The following DLC1 variants were observed in gnomAD, a reference collection of about 807,000 sequenced individuals.
The protein encoded by DLC1 is DLC1 Rho GTPase activating protein.
A neutral mutation model predicts 140.3 loss-of-function variants in DLC1; 54 were observed. That is an observed-to-expected ratio of 0.38 (90% CI 0.31 to 0.48). The LOEUF (loss-of-function observed/expected upper bound fraction) is 0.48, where lower values mean the gene tolerates loss of function less well. Among genes scored for constraint, DLC1 ranks in the 20% least tolerant of loss-of-function variants. The pLI is 0.96. For synonymous variants in DLC1, 986 were observed against 728.1 expected, an observed-to-expected ratio of 1.35 and a Z score of -5.70; for missense variants, 2,536 against 1,907.0, an observed-to-expected ratio of 1.33 and a Z score of -6.14.
At position 13,526,908 on chromosome 8, in the gene DLC1, A is replaced by G. The variant is rs10111327; in HGVS notation, c.-125-26712T>C. On this transcript the variant is annotated intron_variant, in intron 1 of 1. Transcript: ENST00000631382. ...GCACGTTGTGCACATGTACCTTAGAACTTAAAGTAAAATTTAAAAAAAAGT... is the reference window on the plus strand; with the variant it reads ...GCACGTTGTGCACATGTACCTTAGAGCTTAAAGTAAAATTTAAAAAAAAGT... Among the ~76,000 whole-genome samples, 646 of 152,298 alleles carry G rather than the reference A, an allele frequency of 4.2e-3. 4 individuals carry two copies. The highest frequency in any genetic ancestry group is 0.015 in the African/African-American group (608 of 41,568).
At chr8:13,349,916 A>G (rs1015665979) in intron 4 of DLC1, among the ~76,000 whole-genome samples, 3 of 152,224 alleles carry the variant, frequency 2.0e-5, no homozygotes, top group South Asian at 2.1e-4. Flanking sequence ...ATCCAGCTGC[A>G]TATGGACTCT....
At chr8:13,314,771 C>G (rs1832799716) in intron 4 of DLC1, among the ~76,000 whole-genome samples, 1 of 152,174 alleles carries the variant, frequency 6.6e-6, no homozygotes, top group South Asian at 2.1e-4. Flanking sequence ...ACATAAATCT[C>G]TTTATGACAA....
intron 3 of DLC1, among the ~76,000 whole-genome samples, chr8:13,395,105 A>G (rs151192740): frequency 2.4e-4 from 33 of 137,986 alleles, no homozygotes; most frequent in Admixed American, 8.0e-4. Flanking sequence ...CCATCTATGC[A>G]TCCATCTCTC....
At chr8:13,209,750 A>T (rs911843578) in intron 5 of DLC1, among the ~76,000 whole-genome samples, 1 of 152,034 alleles carries the variant, frequency 6.6e-6, no homozygotes, top group African/African-American at 2.4e-5. Context: ...TCTTGCTGCT[A>T]CTTCCACCAT....
chr8:13,090,238 G>A lies in DLC1; in HGVS notation c.4074+14C>T, dbSNP rs1200865445. Reference sequence around the variant, plus strand: ...TCCTGGACTCAACTAGCCGACAACAGGGTGAAGCCTTACCTTCTTATAGGA... The same window carrying A: ...TCCTGGACTCAACTAGCCGACAACAAGGTGAAGCCTTACCTTCTTATAGGA... On this transcript the variant is annotated intron_variant, in intron 15 of 17. Transcript: ENST00000276297. The A allele has an allele frequency of 5.0e-6, 8 of 1,611,034 alleles. No individual in the cohort carries two copies. The highest frequency in any genetic ancestry group is 6.8e-6 in the Non-Finnish European group (8 of 1,178,592).
Position 13,244,989 on chromosome 8 carries a change from A to G in DLC1, c.1348+60280T>C, listed in dbSNP as rs369542625. 2.6e-5 allele frequency among the ~76,000 whole-genome samples: 4 copies of G among 152,258 alleles called. No homozygotes were observed. The East Asian group carries it at 7.7e-4, about 29-fold the overall frequency. On this transcript the variant is annotated intron_variant, in intron 5 of 17. Coordinates refer to ENST00000276297, the MANE Select transcript of DLC1 (RefSeq NM_182643.3). Reference sequence around the variant, plus strand: ...GAAATTCTTTGACATAACTTCCTTCAAGAGTTGAGCTTTATTTTTTTCCAC... The same window carrying G: ...GAAATTCTTTGACATAACTTCCTTCGAGAGTTGAGCTTTATTTTTTTCCAC...
intron 1 of DLC1, among the ~76,000 whole-genome samples, chr8:13,570,028 C>T (rs373360795): frequency 2.6e-5 from 4 of 152,278 alleles, no homozygotes; most frequent in Non-Finnish European, 5.9e-5. Context: ...GCCCAGGAGC[C>T]CAGAATTATT....
chr8:13,585,778 G>T (rs1378346455), intron 1 of DLC1, among the ~76,000 whole-genome samples: 1 of 152,080 alleles, frequency 6.6e-6, no homozygotes, highest in East Asian at 1.9e-4. Context: ...TTCTACCCAT[G>T]CTCATATCCC....
chr8:13,564,175 A>AAAT (rs1563443232), intron 1 of DLC1, among the ~76,000 whole-genome samples: 1 of 152,214 alleles, frequency 6.6e-6, no homozygotes, highest in Non-Finnish European at 1.5e-5. Flanking sequence ...TTCAGAAAAA[A>AAAT]GATAATAACA....
At chr8:13,493,255 A>T (rs1387615064) in intron 2 of DLC1, among the ~76,000 whole-genome samples, 1 of 152,200 alleles carries the variant, frequency 6.6e-6, no homozygotes, top group Admixed American at 6.5e-5. Flanking sequence ...CCTGCTTTAC[A>T]TTCCTTCCCT....
At chr8:13,370,557 G>A (rs1835682460) in intron 4 of DLC1, among the ~76,000 whole-genome samples, 1 of 152,144 alleles carries the variant, frequency 6.6e-6, no homozygotes, top group Non-Finnish European at 1.5e-5. Context: ...GTTCCTGTGA[G>A]TGAGGGCTGT....
At chr8:13,314,967 A>G (rs935058100) in intron 4 of DLC1, among the ~76,000 whole-genome samples, 1 of 152,244 alleles carries the variant, frequency 6.6e-6, no homozygotes, top group Non-Finnish European at 1.5e-5. Context: ...TACCAGGATC[A>G]GTAAAATATA....
chr8:13,095,469 G>T lies in DLC1; in HGVS notation c.3168-224C>A, dbSNP rs75504964. The stretch of plus-strand genomic sequence containing the variant: ...TGCTCAGTACCTACTGTATTGGCCT[G>T]TGCAGATAAAGAACATTCCTATCAT... On this transcript the variant is annotated intron_variant, in intron 10 of 17. Transcript: ENST00000276297. The T allele has an allele frequency of 6.5e-3, 3,685 of 564,274 alleles. 75 individuals carry two copies. The highest frequency in any genetic ancestry group is 0.048 in the East Asian group (1,612 of 33,648). 35.0% of individuals were successfully genotyped at this position (564,274 alleles called of 1,614,324 possible). A position where few individuals can be genotyped will look rare whatever the true frequency, so the allele number is the denominator to read the frequency against.
chr8:13,199,820 A>G (rs1003181736), intron 5 of DLC1, among the ~76,000 whole-genome samples: 8 of 151,914 alleles, frequency 5.3e-5, no homozygotes, highest in Admixed American at 6.6e-5. Context: ...GGCTCTGTCT[A>G]CTCCACAGCA....
At chr8:13,133,966 C>A (rs1015163059) in intron 5 of DLC1, among the ~76,000 whole-genome samples, 4 of 152,192 alleles carry the variant, frequency 2.6e-5, no homozygotes, top group Admixed American at 6.5e-5. Flanking sequence ...AGCTTTCACT[C>A]GGCACGTGCT....
rs184958111 is a variant in DLC1, at chr8:13,288,398, C to T, written c.1348+16871G>A. Among the ~76,000 whole-genome samples, 464 of 152,270 alleles carry T rather than the reference C, an allele frequency of 3.0e-3. 5 individuals are homozygous for T. The highest frequency in any genetic ancestry group is 0.01 in the African/African-American group (432 of 41,556). On this transcript the variant is annotated intron_variant, in intron 5 of 17. Transcript: ENST00000276297. ...AGTCTGGACCCATACCATTTTTCCA[C>T]TCTTCTCTCCTTCTAAACTCAAACT...
At chr8:13,118,369 CA>C (rs1055932466) in intron 5 of DLC1, among the ~76,000 whole-genome samples, 2 of 152,162 alleles carry the variant, frequency 1.3e-5, no homozygotes, top group African/African-American at 4.8e-5. Context: ...CAGTACTCCC[CA>C]AACAGCAGAG....
intron 5 of DLC1, among the ~76,000 whole-genome samples, chr8:13,262,465 A>C (rs1830504702): frequency 6.6e-6 from 1 of 152,166 alleles, no homozygotes; most frequent in Non-Finnish European, 1.5e-5. Flanking sequence ...TGGACAACTT[A>C]GTAAAATGAA....
At chr8:13,190,713 A>G (rs1436209487) in intron 5 of DLC1, among the ~76,000 whole-genome samples, 1 of 152,144 alleles carries the variant, frequency 6.6e-6, no homozygotes, top group Non-Finnish European at 1.5e-5. Context: ...AGAAGGTTTC[A>G]GATTACTGGT....
Sources: gnomAD v4.1 joint callset for allele counts (sites outside exome capture counted in the v4.1 genomes callset) on GRCh38, gnomAD v4.1.1 for gene constraint, MANE v1.5 for transcripts, NCBI Gene and HGNC (gene_info 2026-07-23, HGNC 2026-07-21) for gene names.